SUGP2: variants seen among roughly 807,000 people sequenced by gnomAD.
SUGP2 encodes the protein SURP and G-patch domain-containing protein 2.
SUGP2 carries 24 observed loss-of-function variants against 90.5 expected under a neutral mutation model. The observed-to-expected ratio is 0.27, with a 90% CI of 0.19 to 0.37. The LOEUF (loss-of-function observed/expected upper bound fraction) is 0.37, where lower values mean the gene tolerates loss of function less well. Ranked by LOEUF, SUGP2 falls within the 10% of genes least tolerant of loss-of-function variation. SUGP2 has a pLI of 1.00. For missense variants in SUGP2, 1,233 were observed against 1,363.3 expected, an observed-to-expected ratio of 0.90 and a Z score of 1.51; for synonymous variants, 473 against 513.4, an observed-to-expected ratio of 0.92 and a Z score of 1.06.
At chr19:19,021,159 C>CAAAAAAAA (rs386388689) in intron 3 of SUGP2, among the ~76,000 whole-genome samples, 6 of 66,894 alleles carry the variant, frequency 9.0e-5, no homozygotes, top group Admixed American at 2.1e-4. Context: ...AATTCCATCT[C>CAAAAAAAA]AAAAAAAAAA....
At chr19:19,019,869 G>A (rs553509263) in intron 3 of SUGP2, among the ~76,000 whole-genome samples, 5 of 147,042 alleles carry the variant, frequency 3.4e-5, no homozygotes, top group African/African-American at 7.5e-5. Flanking sequence ...AAGGTCAGCC[G>A]GGCACGGTGG....
At chr19:19,024,417 G>A (rs545200898) in intron 3 of SUGP2, among the ~76,000 whole-genome samples, 30 of 152,182 alleles carry the variant, frequency 2.0e-4, no homozygotes, top group Non-Finnish European at 3.7e-4. Flanking sequence ...GCTGTCTAAA[G>A]ACTTCTATGG....
At position 18,994,467 on chromosome 19, in the gene SUGP2, C is replaced by T. The variant is rs1478894236; in HGVS notation, c.3148G>A (p.Glu1050Lys). The T allele has an allele frequency of 6.2e-7, 1 of 1,614,204 alleles. No homozygotes were observed. The highest frequency in any genetic ancestry group is 1.1e-5 in the South Asian group (1 of 91,080). The change falls in exon 10 of 11, where the codon GAA becomes AAA. Residue 1050 changes from glutamate to lysine, a missense_variant. Physicochemically the swap from Glu to Lys is moderately conservative, Grantham distance 56 (BLOSUM62 1). Around this residue, in one of 8 missense-constraint regions of SUGP2, gnomAD observed 53 missense variants for 55.3 expected, o/e 0.96. Transcript: ENST00000452918. ...TCCTGCCCGTCAGCACCCAACCCTT[C>T]CCCTTCCGAGGGGGTTCCCCTAGGG... The part of the protein sequence containing the change: ...PVSVGTPSEG[E>K]GLGADGQEHK...
At position 19,030,971 on chromosome 19, in the gene SUGP2, G is replaced by A. The variant is rs778977925; in HGVS notation, c.101C>T (p.Thr34Ile). 4 of 1,612,138 alleles carry A rather than the reference G, an allele frequency of 2.5e-6. No individual in the cohort carries two copies. Among genetic ancestry groups the A allele is most frequent in the South Asian group, 2.2e-5 (2 of 90,682 alleles). The stretch of plus-strand genomic sequence containing the variant: ...TTTACCTTGAGCTTTAAACTGAAGA[G>A]TTTCGCTTACAGCCTCACCACTGGC... ...MDASGEAVSE[T>I]LQFKAQDLLR... is the part of the protein sequence containing the mutation. The change falls in exon 2 of 11, where the codon ACT becomes ATT. Residue 34 changes from threonine (T) to isoleucine (I), a missense_variant. Thr to Ile is a moderately conservative substitution (Grantham distance 89, BLOSUM62 -1). This residue lies in a region of SUGP2 where 418 missense variants were observed against 399.9 expected (regional missense o/e 1.05). Transcript: ENST00000452918.
chr19:19,026,716 G>A (rs924762308), intron 2 of SUGP2, among the ~76,000 whole-genome samples: 1 of 152,198 alleles, frequency 6.6e-6, no homozygotes, highest in South Asian at 2.1e-4. Flanking sequence ...GAGGCTACCT[G>A]CCTTCACTGC....
intron 6 of SUGP2, among the ~76,000 whole-genome samples, chr19:19,006,058 G>A (rs550688270): frequency 1.1e-4 from 17 of 151,932 alleles, no homozygotes; most frequent in Admixed American, 5.9e-4. Flanking sequence ...GTGAAACCCC[G>A]TCTCTACTAA....
At chr19:19,019,969 A>G (rs2058653208) in intron 3 of SUGP2, among the ~76,000 whole-genome samples, 1 of 138,358 alleles carries the variant, frequency 7.2e-6, no homozygotes, top group Non-Finnish European at 1.5e-5. Flanking sequence ...CAACATGGTG[A>G]AACTCCGTCT....
In SUGP2 at chr19:19,023,538, G is replaced by A. The variant is rs567363272; in HGVS notation, c.1729+1081C>T. On this transcript the variant is annotated intron_variant, in intron 3 of 10. Coordinates refer to ENST00000452918, the MANE Select transcript of SUGP2 (RefSeq NM_001017392.5). ...GATTTTCTTCCCTCAGGAGCCTGGGGATTCCTCAGAGACAGTGCTCTGTGT... is the reference window on the plus strand; with the variant it reads ...GATTTTCTTCCCTCAGGAGCCTGGGAATTCCTCAGAGACAGTGCTCTGTGT... 2.8e-4 allele frequency among the ~76,000 whole-genome samples: 42 copies of A among 152,222 alleles called. No individual in the cohort carries two copies. The South Asian group carries it at 8.1e-3, about 29-fold the overall frequency.
chr19:19,026,705 T>C (rs548028206), intron 2 of SUGP2, among the ~76,000 whole-genome samples: 37 of 152,210 alleles, frequency 2.4e-4, no homozygotes, highest in Non-Finnish European at 5.4e-4. Flanking sequence ...CAGGTTTTAT[T>C]GAGGCTACCT....
At chr19:19,006,781 C>T (rs997455858) in intron 6 of SUGP2, among the ~76,000 whole-genome samples, 3 of 152,160 alleles carry the variant, frequency 2.0e-5, no homozygotes, top group East Asian at 3.9e-4. Flanking sequence ...TAAGCCTGGT[C>T]AGGCTTCCCG....
At position 18,992,924 on chromosome 19, in the gene SUGP2, C is replaced by T. The variant is rs1165972742; in HGVS notation, c.*817G>A. 6.6e-6 allele frequency: 1 copy of T among 152,354 alleles called. No homozygotes were observed. The highest frequency in any genetic ancestry group is 2.4e-5 in the African/African-American group (1 of 41,426). 9.4% of individuals were successfully genotyped at this position (152,354 alleles called of 1,614,324 possible). On this transcript the variant is annotated 3_prime_UTR_variant, in exon 11 of 11. Transcript: ENST00000452918. The stretch of plus-strand genomic sequence containing the variant: ...AAATAGAGCAGCTGCAGAGCCCACC[C>T]CAGGAGGAGCCTGCCTCTCCTTACA...
At chr19:19,005,251 G>A (rs1183693093) in intron 6 of SUGP2, among the ~76,000 whole-genome samples, 1 of 152,144 alleles carries the variant, frequency 6.6e-6, no homozygotes, top group African/African-American at 2.4e-5. Flanking sequence ...TGGCTGGTAT[G>A]AGAAACTTGA....
chr19:19,026,851 A>ACT (rs2058954533), intron 2 of SUGP2, among the ~76,000 whole-genome samples: 1 of 152,160 alleles, frequency 6.6e-6, no homozygotes, highest in South Asian at 2.1e-4. Context: ...CGGCCAGGCC[A>ACT]ATCAACCCTC....
In SUGP2 at chr19:19,026,087, C is replaced by T. The variant is rs760493614; in HGVS notation, c.261G>A (p.Gly87=). 6.2e-7 allele frequency: 1 copy of T among 1,614,114 alleles called. No homozygotes were observed. Among genetic ancestry groups the T allele is most frequent in the Non-Finnish European group, 8.5e-7 (1 of 1,180,024 alleles). ...REGLRSDVFP[G]PSFRSSNPSI... ...AAGGGTTGCTTGATCTGAAGGAAGGCCCTGGAAATACGTCACTTCTCAGGC... is the reference window on the plus strand; with the variant it reads ...AAGGGTTGCTTGATCTGAAGGAAGGTCCTGGAAATACGTCACTTCTCAGGC... The change falls in exon 3 of 11, where the codon GGG becomes GGA. Residue 87 remains glycine (G), a synonymous_variant. Transcript: ENST00000452918.
At chr19:19,014,316 C>T (rs1599493700) in intron 4 of SUGP2, among the ~76,000 whole-genome samples, 2 of 152,086 alleles carry the variant, frequency 1.3e-5, no homozygotes, top group African/African-American at 4.8e-5. Context: ...TAGTGCACGA[C>T]ACGAGGCAGG....
intron 4 of SUGP2, among the ~76,000 whole-genome samples, chr19:19,018,686 CAAAAAAAAA>C (rs55923416): frequency 1.2e-5 from 1 of 85,920 alleles, no homozygotes; most frequent in South Asian, 4.8e-4. Context: ...GGCTCCGTCT[CAAAAAAAAA>C]AAAAAAAAAA....
At chr19:18,997,345 G>C (rs2057642614) in intron 8 of SUGP2, among the ~76,000 whole-genome samples, 1 of 152,098 alleles carries the variant, frequency 6.6e-6, no homozygotes, top group Non-Finnish European at 1.5e-5. Context: ...AGGAGGGAGG[G>C]AGGGAGGAGA....
chr19:18,993,631 T>C lies in SUGP2; in HGVS notation c.*110A>G, dbSNP rs2057452623. The C allele has an allele frequency of 6.6e-6, 1 of 152,582 alleles. No homozygotes were observed. Among genetic ancestry groups the C allele is most frequent in the Non-Finnish European group, 1.5e-5 (1 of 68,026 alleles). 9.5% of individuals were successfully genotyped at this position (152,582 alleles called of 1,614,324 possible). On this transcript the variant is annotated 3_prime_UTR_variant, in exon 11 of 11. Coordinates refer to ENST00000452918, the MANE Select transcript of SUGP2 (RefSeq NM_001017392.5). ...GACTGCAGAGACGTTTGTTTTCATG[T>C]ACACACCAAACCGTACTTGGGCACT...
At chr19:19,003,047 G>A (rs1049652345) in intron 7 of SUGP2, among the ~76,000 whole-genome samples, 3 of 152,028 alleles carry the variant, frequency 2.0e-5, no homozygotes, top group Non-Finnish European at 4.4e-5. Flanking sequence ...GGGCTCAAGC[G>A]ATCCTCTTGC....
Sources: gnomAD v4.1 joint callset for allele counts (sites outside exome capture counted in the v4.1 genomes callset) on GRCh38, gnomAD v4.1.1 for gene constraint, gnomAD v4.1.1 regional missense constraint, MANE v1.5 for transcripts, NCBI Gene and HGNC (gene_info 2026-07-23, HGNC 2026-07-21) for gene names.